CHRM3: variants seen among roughly 807,000 people sequenced by gnomAD.
CHRM3 encodes the protein muscarinic acetylcholine receptor M3.
A neutral mutation model predicts 41.8 loss-of-function variants in CHRM3; 11 were observed. The ratio of observed to expected loss-of-function variants is 0.26; its 90% CI spans 0.17 to 0.44. CHRM3 has a LOEUF of 0.44. CHRM3 is among the 20% of genes least tolerant of loss of function. The pLI, the probability that CHRM3 is intolerant of heterozygous loss-of-function variation, is 1.00. For synonymous variants in CHRM3, 297 were observed against 301.4 expected (o/e 0.99, Z 0.15); for missense variants, 571 against 745.4 (o/e 0.77, Z 2.72).
intron 1 of CHRM3, among the ~76,000 whole-genome samples, chr1:239,419,362 C>G (rs1314732647): frequency 1.5e-5 from 2 of 136,568 alleles, no homozygotes; most frequent in Middle Eastern, 3.6e-3. Flanking sequence ...CCGACCCAGC[C>G]TTTTTTTTTT....
chr1:239,629,865 G>A (rs184498945), intron 3 of CHRM3, among the ~76,000 whole-genome samples: 1 of 152,128 alleles, frequency 6.6e-6, no homozygotes, highest in East Asian at 1.9e-4. Flanking sequence ...TATATAATTA[G>A]GACAGCATTC....
intron 5 of CHRM3, among the ~76,000 whole-genome samples, chr1:239,771,764 G>A (rs1413447142): frequency 6.6e-6 from 1 of 152,342 alleles, no homozygotes; most frequent in African/African-American, 2.4e-5. Flanking sequence ...GGGTGTGGCT[G>A]TCTTCCAGAC....
At chr1:239,766,362 T>C (rs1667205322) in intron 5 of CHRM3, among the ~76,000 whole-genome samples, 1 of 151,958 alleles carries the variant, frequency 6.6e-6, no homozygotes. Flanking sequence ...TCCTTTAAGC[T>C]GAATAAATAT....
intron 1 of CHRM3, among the ~76,000 whole-genome samples, chr1:239,454,818 C>T (rs899999311): frequency 1.3e-5 from 2 of 152,034 alleles, no homozygotes; most frequent in African/African-American, 2.4e-5. Context: ...ATAGTGGTCC[C>T]GTAGGATTAT....
chr1:239,837,127 A>T (rs575556912), intron 6 of CHRM3, among the ~76,000 whole-genome samples: 2 of 152,314 alleles, frequency 1.3e-5, no homozygotes, highest in South Asian at 2.1e-4. Context: ...TGCTCCATGG[A>T]TCAGTCACAG....
At chr1:239,420,303 C>G (rs566149367) in intron 1 of CHRM3, among the ~76,000 whole-genome samples, 1 of 152,174 alleles carries the variant, frequency 6.6e-6, no homozygotes. Flanking sequence ...CTCTCTCAGC[C>G]GCATGGTAGT....
At chr1:239,896,233 C>G (rs1012862459) in intron 6 of CHRM3, among the ~76,000 whole-genome samples, 1 of 152,224 alleles carries the variant, frequency 6.6e-6, no homozygotes, top group Non-Finnish European at 1.5e-5. Flanking sequence ...CCTCTCTTGA[C>G]TACATGGCAG....
chr1:239,660,764 A>C (rs1462509588), intron 4 of CHRM3, among the ~76,000 whole-genome samples: 1 of 152,110 alleles, frequency 6.6e-6, no homozygotes, highest in Non-Finnish European at 1.5e-5. Context: ...CATGCTTGTA[A>C]TTCCACCTAT....
At chr1:239,672,632 A>ACACACACAAC (rs1421473771) in intron 4 of CHRM3, among the ~76,000 whole-genome samples, 208 of 152,046 alleles carry the variant, frequency 1.4e-3, no homozygotes, top group South Asian at 4.0e-3. Context: ...ACACACACAG[A>ACACACACAAC]AAGGGGTAGG....
intron 5 of CHRM3, among the ~76,000 whole-genome samples, chr1:239,689,831 G>A (rs1291606554): frequency 6.6e-6 from 1 of 152,138 alleles, no homozygotes; most frequent in Admixed American, 6.6e-5. Context: ...ATTTCAGTCA[G>A]CAGCTGTCCA....
chr1:239,558,267 C>A (rs140869358), intron 3 of CHRM3, among the ~76,000 whole-genome samples: 1 of 152,110 alleles, frequency 6.6e-6, no homozygotes, highest in East Asian at 1.9e-4. Flanking sequence ...TTGTTGGCTG[C>A]ATGTATGTCT....
chr1:239,804,249 G>T (rs181432206), intron 5 of CHRM3, among the ~76,000 whole-genome samples: 1 of 152,120 alleles, frequency 6.6e-6, no homozygotes, highest in Non-Finnish European at 1.5e-5. Context: ...TGAATAAAAC[G>T]CAGGAGTGAA....
intron 3 of CHRM3, among the ~76,000 whole-genome samples, chr1:239,566,724 C>T (rs1164761348): frequency 6.6e-6 from 1 of 152,164 alleles, no homozygotes; most frequent in Non-Finnish European, 1.5e-5. Context: ...TTTGACTCAA[C>T]TTTCATGGGG....
chr1:239,663,679 G>A (rs889102975), intron 4 of CHRM3, among the ~76,000 whole-genome samples: 4 of 152,174 alleles, frequency 2.6e-5, no homozygotes, highest in Non-Finnish European at 5.9e-5. Flanking sequence ...CAATGTCCTC[G>A]TAAATTTTAT....
Position 239,532,015 on chromosome 1 carries a change from T to C in CHRM3, c.-421-13626T>C, listed in dbSNP as rs1300599040. ...TTTTTTCTTTTCCTTCTTTCTTTTT[T>C]TTTTTTTTTTTTTTTGAGACGGAGT... On this transcript the variant is annotated intron_variant, in intron 2 of 6. Coordinates refer to ENST00000676153, the MANE Select transcript of CHRM3 (RefSeq NM_001375978.1). 3.8e-3 allele frequency among the ~76,000 whole-genome samples: 459 copies of C among 119,256 alleles called. 1 individual carries two copies. The highest frequency in any genetic ancestry group is 7.2e-3 in the Non-Finnish European group (397 of 54,976). The allele number at this position is 119,256 out of a possible 152,430, so 78.2% of individuals were successfully genotyped here. A position where few individuals can be genotyped will look rare whatever the true frequency, so the allele number is the denominator to read the frequency against.
intron 2 of CHRM3, among the ~76,000 whole-genome samples, chr1:239,513,559 T>G (rs1669065025): frequency 6.6e-6 from 1 of 152,344 alleles, no homozygotes; most frequent in South Asian, 2.1e-4. Flanking sequence ...TGCAAATATT[T>G]TCTCCCAGTC....
intron 6 of CHRM3, among the ~76,000 whole-genome samples, chr1:239,871,400 C>A (rs1469757380): frequency 2.0e-5 from 3 of 152,056 alleles, no homozygotes; most frequent in African/African-American, 7.2e-5. Flanking sequence ...CGCCAGCATG[C>A]CCAGCTAATT....
intron 2 of CHRM3, among the ~76,000 whole-genome samples, chr1:239,514,997 A>G (rs1669162168): frequency 6.6e-6 from 1 of 152,184 alleles, no homozygotes; most frequent in Non-Finnish European, 1.5e-5. Flanking sequence ...CCCATTGAAT[A>G]TTTGATAACT....
chr1:239,845,853 A>G (rs1674219425), intron 6 of CHRM3, among the ~76,000 whole-genome samples: 1 of 152,202 alleles, frequency 6.6e-6, no homozygotes, highest in African/African-American at 2.4e-5. Context: ...ACTCTTTTTA[A>G]CTACACATTA....
Sources: allele counts gnomAD v4.1 joint callset (sites outside exome capture counted in the v4.1 genomes callset), GRCh38; gene constraint gnomAD v4.1.1; transcripts MANE v1.5; gene names NCBI Gene and HGNC (gene_info 2026-07-23, HGNC 2026-07-21).